The following FDXR variants were observed in gnomAD, a reference collection of about 807,000 sequenced individuals.
The protein encoded by FDXR is ferredoxin reductase.
In FDXR, 38 loss-of-function variants were observed where a neutral mutation model predicts 58.3. That is an observed-to-expected ratio of 0.65 (90% confidence interval 0.50 to 0.85). FDXR has a LOEUF of 0.85. Ranked by LOEUF, FDXR falls within the 40% of genes least tolerant of loss-of-function variation. The pLI is 0.00. For missense variants in FDXR, 624 were observed against 671.0 expected (o/e 0.93, Z 0.77); for synonymous variants, 275 against 273.8 (o/e 1.00, Z -0.04).
At position 74,863,965 on chromosome 17, in the gene FDXR, G is replaced by A. The variant is rs1314262684; in HGVS notation, c.1105C>T (p.Pro369Ser). The A allele has an allele frequency of 6.2e-7, 1 of 1,613,966 alleles. No homozygotes were observed. Among genetic ancestry groups the A allele is most frequent in the African/African-American group, 1.3e-5 (1 of 74,924 alleles). The change falls in exon 10 of 12, where the codon CCA becomes TCA. Residue 369 changes from proline (P) to serine (S), a missense_variant. Pro to Ser is a moderately conservative substitution (Grantham distance 74). Transcript: ENST00000293195. ...AGCTTGGAGTCAAAGGGCACGCTTG[G>A]GTCGACAGGGCGGCTCTTATACCCA... ...SIGYKSRPVDPSVPFDSKLGV... is the reference protein window; with the variant it reads ...SIGYKSRPVDSSVPFDSKLGV...
intron 2 of FDXR, among the ~76,000 whole-genome samples, chr17:74,867,888 G>A (rs1239635291): frequency 1.3e-5 from 2 of 152,142 alleles, no homozygotes; most frequent in Non-Finnish European, 2.9e-5. Context: ...AAAGCACCAG[G>A]AGGTCAGGAT....
At chr17:74,866,334 C>A in intron 4 of FDXR, 90 bp from the exon 5 acceptor site, 1 of 1,571,260 alleles carries the variant, frequency 6.4e-7, no homozygotes, top group Non-Finnish European at 8.7e-7. Context: ...CGGCCTCCTT[C>A]CAGCTTCTCA....
At chr17:74,867,370 G>A (rs2038229634) in intron 2 of FDXR, among the ~76,000 whole-genome samples, 1 of 145,992 alleles carries the variant, frequency 6.8e-6, no homozygotes, top group Admixed American at 6.8e-5. Flanking sequence ...GGGGAGAAAT[G>A]TGGCCAGCTG....
At chr17:74,863,784 G>T in intron 10 of FDXR, 112 bp downstream of exon 10, 1 of 1,375,440 alleles carries the variant, frequency 7.3e-7, no homozygotes, top group Non-Finnish European at 1.0e-6. Context: ...GGCCTGCCCT[G>T]CAGAAGCTTC....
Position 74,865,765 on chromosome 17 carries a change from G to A in FDXR, c.563C>T (p.Ala188Val), listed in dbSNP as rs999407006. 6.2e-7 allele frequency: 1 copy of A among 1,613,526 alleles called. No homozygotes were observed. Among genetic ancestry groups the A allele is most frequent in the African/African-American group, 1.3e-5 (1 of 74,910 alleles). ...CAGTAGGATGCGGGCCACGTCCAGA[G>A]CCACGTTCCCCTGCCCCAGAATCAC... ...TAVILGQGNV[A>V]LDVARILLTP... Residue 188 changes from alanine (A) to valine (V), a missense_variant, in exon 6 of 12, where the codon GCT becomes GTT. Transcript: ENST00000293195.
intron 2 of FDXR, among the ~76,000 whole-genome samples, chr17:74,869,682 C>T (rs2038307042): frequency 6.6e-6 from 1 of 152,178 alleles, no homozygotes; most frequent in South Asian, 2.1e-4. Flanking sequence ...GTGCTTATAG[C>T]CGTCAGAGCC....
At position 74,872,112 on chromosome 17, in the gene FDXR, G is replaced by A. The variant is rs1251320558; in HGVS notation, c.101C>T (p.Thr34Ile). Residue 34 changes from threonine to isoleucine, a missense_variant, in exon 2 of 12, where the codon ACA becomes ATA. Coordinates refer to ENST00000293195, the MANE Select transcript of FDXR (RefSeq NM_024417.5). ...STPSFCHHFS[T>I]QEKTPQICVV... The stretch of plus-strand genomic sequence containing the variant: ...ACAGATCTGGGGGGTCTTCTCCTGT[G>A]TGGAGAAATGGTGGCAGAAGCCTGG... 3 of 1,606,632 alleles carry A rather than the reference G, an allele frequency of 1.9e-6. No individual in the cohort carries two copies. Among genetic ancestry groups the A allele is most frequent in the Non-Finnish European group, 2.6e-6 (3 of 1,176,230 alleles).
rs756192203 is a variant in FDXR, at chr17:74,866,236, C to A, written c.402G>T (p.Gly134=). Residue 134 remains glycine (G), a synonymous_variant, in exon 5 of 12, where the codon GGG becomes GGT. Transcript: ENST00000293195. ...TTTCCAGGGCCCGATGGTCCTCTGC[C>A]CCGTAGCTCTGATGAAAGATGGCAG... ...EAYHAVVLSY[G]AEDHRALEIP... The A allele has an allele frequency of 2.0e-5, 32 of 1,613,466 alleles. No individual in the cohort carries two copies. The highest frequency in any genetic ancestry group is 2.6e-5 in the Non-Finnish European group (31 of 1,179,676).
intron 2 of FDXR, among the ~76,000 whole-genome samples, chr17:74,867,610 G>A (rs1353744950): frequency 6.6e-6 from 1 of 152,134 alleles, no homozygotes; most frequent in African/African-American, 2.4e-5. Context: ...AGGGGGCACG[G>A]CTGGGAATTC....
Position 74,865,826 on chromosome 17 carries a change from G to A in FDXR, c.508-6C>T. ...CAGCTCAGGTCTGGCTCCAGCTGGA[G>A]GGGAAAGGTCTTGATAGGGTCCCCC... On this transcript the variant is annotated splice_polypyrimidine_tract_variant and splice_region_variant and intron_variant, in intron 5 of 11. Coordinates refer to ENST00000293195, the MANE Select transcript of FDXR (RefSeq NM_024417.5). 1.2e-6 allele frequency: 2 copies of A among 1,610,098 alleles called. No individual in the cohort carries two copies. The highest frequency in any genetic ancestry group is 1.7e-6 in the Non-Finnish European group (2 of 1,177,610).
Position 74,862,834 on chromosome 17 carries a change from G to T in FDXR, c.1459C>A (p.Arg487Ser), listed in dbSNP as rs143458938. 6.2e-7 allele frequency: 1 copy of T among 1,611,352 alleles called. No individual in the cohort carries two copies. Among genetic ancestry groups the T allele is most frequent in the Non-Finnish European group, 8.5e-7 (1 of 1,179,828 alleles). ...GGCTGGGCTCAGTGGCCCAGGAGGC[G>T]CAGCATCTCCTGAGGATCCACCAGC... ...EKLVDPQEML[R>S]LLGH is the part of the protein sequence containing the mutation. Residue 487 changes from arginine to serine, a missense_variant, in exon 12 of 12, where the codon CGC becomes AGC. By Grantham distance (110) the Arg-to-Ser change is moderately radical. Coordinates refer to ENST00000293195, the MANE Select transcript of FDXR (RefSeq NM_024417.5).
At chr17:74,872,359 T>C (rs2038401748) in intron 1 of FDXR, 1 of 1,236,856 alleles carries the variant, frequency 8.1e-7, no homozygotes. Context: ...ATGAACCTAC[T>C]ACACCACTGC....
intron 6 of FDXR, 124 bp from the exon 7 acceptor site, chr17:74,865,055 C>T: frequency 1.5e-6 from 2 of 1,341,040 alleles, no homozygotes; most frequent in Non-Finnish European, 2.1e-6. Context: ...CCACTGCTCC[C>T]CCCTGGTGGC....
In FDXR at chr17:74,864,166, T is replaced by G. The variant is rs780646346; in HGVS notation, c.984A>C (p.Leu328=). The stretch of plus-strand genomic sequence containing the variant: ...GACTCACCTCCAGTCTAGTGACTGC[T>G]AGGCGGACACCTGCTGCCCGCCGCC... ...PDGRRAAGVR[L]AVTRLEGVDE... is the part of the protein sequence containing the mutation. The change falls in exon 9 of 12, where the codon CTA becomes CTC. Residue 328 remains leucine (L), a synonymous_variant. Coordinates refer to ENST00000293195, the MANE Select transcript of FDXR (RefSeq NM_024417.5). The G allele has an allele frequency of 1.2e-6, 2 of 1,612,752 alleles. No homozygotes were observed. Among genetic ancestry groups the G allele is most frequent in the East Asian group, 2.2e-5 (1 of 44,880 alleles).
intron 1 of FDXR, 106 bp downstream of exon 1, chr17:74,872,760 C>T: frequency 6.5e-7 from 1 of 1,535,028 alleles, no homozygotes; most frequent in South Asian, 1.2e-5. Flanking sequence ...GACACCCCTT[C>T]AGTCTCACCC....
intron 6 of FDXR, among the ~76,000 whole-genome samples, chr17:74,865,406 C>T (rs1276819966): frequency 2.0e-5 from 3 of 152,038 alleles, no homozygotes; most frequent in African/African-American, 7.3e-5. Flanking sequence ...AAGGGACAAC[C>T]GAGCCAAGAT....
In FDXR at chr17:74,871,942, G is replaced by A. The variant is rs528987047; in HGVS notation, c.177+94C>T. The A allele has an allele frequency of 2.2e-5, 20 of 900,736 alleles. No individual in the cohort carries two copies. In the African/African-American group the frequency reaches 3.2e-4, roughly 14 times the overall value. 55.8% of individuals were successfully genotyped at this position (900,736 alleles called of 1,614,324 possible). On this transcript the variant is annotated intron_variant, in intron 2 of 11. Coordinates refer to ENST00000293195, the MANE Select transcript of FDXR (RefSeq NM_024417.5). The stretch of plus-strand genomic sequence containing the variant: ...TGGCTGGGAGCCCCTTCCCCATAAG[G>A]CAACCAGGAGTGCTCTTAAAACCCA...
chr17:74,872,051 G>A lies in FDXR; in HGVS notation c.162C>T (p.Ala54=), dbSNP rs1241749187. The change falls in exon 2 of 12, where the codon GCC becomes GCT. Residue 54 remains alanine, a synonymous_variant. Transcript: ENST00000293195. ...AGTGGCTTACCTTTAGCAGGTGTTG[G>A]GCCGTGTAGAAGCCAGCTGGGCCAC... ...VGSGPAGFYT[A]QHLLKHPQAH... 6.3e-7 allele frequency: 1 copy of A among 1,598,944 alleles called. No homozygotes were observed.
chr17:74,871,371 C>T (rs984262205), intron 2 of FDXR, among the ~76,000 whole-genome samples: 4 of 152,224 alleles, frequency 2.6e-5, no homozygotes, highest in African/African-American at 7.2e-5. Flanking sequence ...TGTCTCTCCA[C>T]GGACACTCCA....
Sources: gnomAD v4.1 joint callset for allele counts (sites outside exome capture counted in the v4.1 genomes callset) on GRCh38, gnomAD v4.1.1 for gene constraint, MANE v1.5 for transcripts, NCBI Gene and HGNC (gene_info 2026-07-23, HGNC 2026-07-21) for gene names.